EGFR: variants seen among roughly 807,000 people sequenced by gnomAD.
The protein encoded by EGFR is epidermal growth factor receptor.
EGFR carries 58 observed loss-of-function variants against 143.0 expected under a neutral mutation model. That is an observed-to-expected ratio of 0.41 (90% CI 0.33 to 0.50). EGFR has a LOEUF of 0.50. Among genes scored for constraint, EGFR ranks in the 20% least tolerant of loss-of-function variants. EGFR has a pLI of 0.39. For synonymous variants in EGFR, 613 were observed against 594.4 expected (o/e 1.03, Z -0.45); for missense variants, 1,307 against 1,579.0 (o/e 0.83, Z 2.92).
chr7:55,174,711 C>A lies in EGFR; in HGVS notation c.2185-11C>A. ...TTGCCAGTTAACGTCTTCCTTCTCT[C>A]TCTGTCATAGGGACTCTGGATCCCA... On this transcript the variant is annotated splice_polypyrimidine_tract_variant and intron_variant, in intron 18 of 27. Coordinates refer to ENST00000275493, the MANE Select transcript of EGFR (RefSeq NM_005228.5). 1 of 1,609,380 alleles carries A rather than the reference C, an allele frequency of 6.2e-7. No individual in the cohort carries two copies. The highest frequency in any genetic ancestry group is 1.1e-5 in the South Asian group (1 of 90,956).
intron 1 of EGFR, among the ~76,000 whole-genome samples, chr7:55,051,738 C>T (rs1289033937): frequency 6.6e-6 from 1 of 152,200 alleles, no homozygotes; most frequent in East Asian, 1.9e-4. Flanking sequence ...GCAGTCCAAA[C>T]ATGATCTGGC....
chr7:55,049,063 T>C (rs761490042), intron 1 of EGFR, among the ~76,000 whole-genome samples: 1 of 152,170 alleles, frequency 6.6e-6, no homozygotes, highest in Non-Finnish European at 1.5e-5. Flanking sequence ...TTAAAATAAA[T>C]GGAAACGCAC....
intron 3 of EGFR, among the ~76,000 whole-genome samples, chr7:55,145,209 G>A (rs566313563): frequency 4.6e-5 from 7 of 152,136 alleles, no homozygotes; most frequent in Admixed American, 2.6e-4. Context: ...TCCTCGCCCC[G>A]CCCCCTGCTC....
At chr7:55,041,421 GAAGT>G (rs1241007427) in intron 1 of EGFR, among the ~76,000 whole-genome samples, 2 of 151,818 alleles carry the variant, frequency 1.3e-5, no homozygotes, top group Non-Finnish European at 2.9e-5. Flanking sequence ...AAAAAAAAAA[GAAGT>G]AAGAAGTTTT....
intron 1 of EGFR, chr7:55,110,054 T>TAC (rs1792381251): frequency 1.7e-6 from 1 of 596,692 alleles, no homozygotes; most frequent in Non-Finnish European, 2.1e-6. Context: ...CATGATGAGA[T>TAC]ACTGCTGGGG....
At chr7:55,079,285 CCAGGCATGCACACT>C (rs1255792316) in intron 1 of EGFR, among the ~76,000 whole-genome samples, 1 of 152,174 alleles carries the variant, frequency 6.6e-6, no homozygotes, top group Non-Finnish European at 1.5e-5. Flanking sequence ...CCGCCCAGAG[CCAGGCATGCACACT>C]CAGAGTAGGT....
chr7:55,041,829 T>C (rs1461310385), intron 1 of EGFR, among the ~76,000 whole-genome samples: 2 of 152,208 alleles, frequency 1.3e-5, no homozygotes, highest in Non-Finnish European at 2.9e-5. Context: ...ATCCTTAAAG[T>C]ACATTAGTTT....
intron 1 of EGFR, among the ~76,000 whole-genome samples, chr7:55,108,322 A>C (rs992969165): frequency 6.6e-6 from 1 of 152,260 alleles, no homozygotes; most frequent in Non-Finnish European, 1.5e-5. Flanking sequence ...CAGGGGCCGT[A>C]TCACTCCGCC....
At position 55,039,293 on chromosome 7, in the gene EGFR, G is replaced by T. The variant is rs1000692416; in HGVS notation, c.88+19928G>T. On this transcript the variant is annotated intron_variant, in intron 1 of 27. Coordinates refer to ENST00000275493, the MANE Select transcript of EGFR (RefSeq NM_005228.5). ...GCTTGGTTGACATTTGGGGAGCAAA[G>T]ATAAACTAAGGATTCTAAGTTCTGT... Among the ~76,000 whole-genome samples, 5 of 152,212 alleles carry T rather than the reference G, an allele frequency of 3.3e-5. No homozygotes were observed. The East Asian group carries it at 9.6e-4, about 29-fold the overall frequency.
chr7:55,107,130 C>T (rs1792182121), intron 1 of EGFR, among the ~76,000 whole-genome samples: 1 of 152,198 alleles, frequency 6.6e-6, no homozygotes, highest in Admixed American at 6.5e-5. Flanking sequence ...ATTTTGGCAG[C>T]ATCTGGTTTA....
chr7:55,203,571 C>CAT (rs1787964396), intron 27 of EGFR, among the ~76,000 whole-genome samples: 2 of 10,728 alleles, frequency 1.9e-4, no homozygotes, highest in Admixed American at 9.6e-4. Flanking sequence ...ACACCACACA[C>CAT]ACATACGCCA....
In EGFR at chr7:55,172,967, C is replaced by A; in HGVS notation, c.1920-16C>A. On this transcript the variant is annotated splice_polypyrimidine_tract_variant and intron_variant, in intron 16 of 27. Transcript: ENST00000275493. Reference sequence around the variant, plus strand: ...TCAGCAACCTCACCCTTCCTTGTTCCTCCACCTCATTCCAGGCCTAAGATC... The same window carrying A: ...TCAGCAACCTCACCCTTCCTTGTTCATCCACCTCATTCCAGGCCTAAGATC... The A allele has an allele frequency of 1.2e-6, 2 of 1,614,192 alleles. No homozygotes were observed. Among genetic ancestry groups the A allele is most frequent in the East Asian group, 4.5e-5 (2 of 44,878 alleles).
intron 1 of EGFR, among the ~76,000 whole-genome samples, chr7:55,119,805 A>T (rs1277016620): frequency 6.6e-6 from 1 of 152,174 alleles, no homozygotes; most frequent in Non-Finnish European, 1.5e-5. Flanking sequence ...TGGAGGACAC[A>T]TTCTGTTGCA....
chr7:55,029,644 G>A (rs569424803), intron 1 of EGFR, among the ~76,000 whole-genome samples: 230 of 152,292 alleles, frequency 1.5e-3, no homozygotes, highest in Middle Eastern at 6.8e-3. Context: ...ATACAAGTAT[G>A]CATACACATG....
intron 1 of EGFR, among the ~76,000 whole-genome samples, chr7:55,031,749 T>C (rs1321853193): frequency 2.6e-5 from 4 of 152,258 alleles, no homozygotes; most frequent in Non-Finnish European, 1.5e-5. Context: ...GCCTAAATTC[T>C]GCTGATGGAG....
chr7:55,019,492 T>A, intron 1 of EGFR, 127 bp downstream of exon 1: 1 of 403,710 alleles, frequency 2.5e-6, no homozygotes, highest in Non-Finnish European at 3.7e-6. Flanking sequence ...CCTGTTTCCT[T>A]GAGATCAGCT....
At chr7:55,094,825 CT>C (rs1233183450) in intron 1 of EGFR, among the ~76,000 whole-genome samples, 1 of 152,196 alleles carries the variant, frequency 6.6e-6, no homozygotes, top group Non-Finnish European at 1.5e-5. Flanking sequence ...AGATCCTGCT[CT>C]TTTGCAGGTA....
intron 1 of EGFR, among the ~76,000 whole-genome samples, chr7:55,024,463 T>C (rs912625661): frequency 1.3e-5 from 2 of 152,218 alleles, no homozygotes; most frequent in Non-Finnish European, 2.9e-5. Context: ...TTTCTGAATA[T>C]ATCTGGAACT....
At chr7:55,019,614 G>A (rs1421393061) in intron 1 of EGFR, among the ~76,000 whole-genome samples, 5 of 152,104 alleles carry the variant, frequency 3.3e-5, no homozygotes, top group African/African-American at 7.2e-5. Flanking sequence ...GGCCAGGCGG[G>A]GAACGGCCGC....
Sources: gnomAD v4.1 joint callset for allele counts (sites outside exome capture counted in the v4.1 genomes callset) on GRCh38, gnomAD v4.1.1 for gene constraint, MANE v1.5 for transcripts, NCBI Gene and HGNC (gene_info 2026-07-23, HGNC 2026-07-21) for gene names.